Variants in CLIC6 observed in about 807,000 individuals in gnomAD.
CLIC6 encodes chloride intracellular channel protein 6.
CLIC6 carries 39 observed loss-of-function variants against 49.2 expected under a neutral mutation model. The ratio of observed to expected loss-of-function variants is 0.79; its 90% CI spans 0.61 to 1.04. CLIC6 has a LOEUF of 1.04. Ranked by LOEUF, CLIC6 falls within the 50% of genes least tolerant of loss-of-function variation. The pLI is 0.00. For missense variants in CLIC6, 988 were observed against 993.1 expected (o/e 0.99, Z 0.07); for synonymous variants, 446 against 433.4 (o/e 1.03, Z -0.36).
intron 1 of CLIC6, among the ~76,000 whole-genome samples, chr21:34,691,757 C>T (rs1989999314): frequency 6.6e-6 from 1 of 152,124 alleles, no homozygotes; most frequent in African/African-American, 2.4e-5. Flanking sequence ...TGCTGAGAGC[C>T]GTTCATTTGC....
Position 34,669,774 on chromosome 21 carries a change from C to T in CLIC6, c.386C>T (p.Pro129Leu). 1.4e-6 allele frequency: 2 copies of T among 1,422,002 alleles called. No individual in the cohort carries two copies. The highest frequency in any genetic ancestry group is 9.1e-7 in the Non-Finnish European group (1 of 1,099,144). 88.1% of individuals were successfully genotyped at this position (1,422,002 alleles called of 1,614,324 possible). A position where few individuals can be genotyped will look rare whatever the true frequency, so the allele number is the denominator to read the frequency against. ...CCCCGCGGGGAGGCTCAGAGGGAGC[C>T]CGAGGACTCTGCGGCCCCCGAGAGG... ...GEPRGEAQRE[P>L]EDSAAPERQE... The change falls in exon 1 of 6, where the codon CCC becomes CTC. Residue 129 changes from proline (P) to leucine (L), a missense_variant. Pro to Leu is a moderately conservative substitution (Grantham distance 98). This residue lies in a region of CLIC6 where 284 missense variants were observed against 278.6 expected (regional missense o/e 1.02). Transcript: ENST00000349499.
At chr21:34,698,395 A>G (rs1990127278) in intron 1 of CLIC6, among the ~76,000 whole-genome samples, 1 of 151,784 alleles carries the variant, frequency 6.6e-6, no homozygotes, top group Non-Finnish European at 1.5e-5. Flanking sequence ...AAGGAAAGAG[A>G]CAAAAGGAAT....
rs368505404 is a variant in CLIC6, at chr21:34,673,759, A to G, written c.1374+2997A>G. Reference sequence around the variant, plus strand: ...CAAAACTAAACAAACAAACAAAAAAACACCCTTTAGACTCATATTTTCTGA... The same window carrying G: ...CAAAACTAAACAAACAAACAAAAAAGCACCCTTTAGACTCATATTTTCTGA... On this transcript the variant is annotated intron_variant, in intron 1 of 5. Transcript: ENST00000349499. Among the ~76,000 whole-genome samples the G allele has an allele frequency of 2.4e-3, 364 of 152,366 alleles. 7 individuals carry two copies. Among genetic ancestry groups the G allele is most frequent in the Middle Eastern group, 0.014 (4 of 294 alleles).
At chr21:34,705,971 C>T (rs961216769) in intron 1 of CLIC6, 3 of 640,830 alleles carry the variant, frequency 4.7e-6, no homozygotes, top group African/African-American at 3.6e-5. Flanking sequence ...CCCACTGAAT[C>T]AAACTCTGTA....
intron 1 of CLIC6, among the ~76,000 whole-genome samples, chr21:34,688,275 G>A (rs765963332): frequency 6.6e-6 from 1 of 152,154 alleles, no homozygotes; most frequent in South Asian, 2.1e-4. Flanking sequence ...CCCCACCATT[G>A]GTTTGACTCT....
intron 1 of CLIC6, among the ~76,000 whole-genome samples, chr21:34,680,309 T>G (rs549285795): frequency 1.3e-5 from 2 of 152,332 alleles, no homozygotes; most frequent in African/African-American, 4.8e-5. Flanking sequence ...GCAGCTGGGA[T>G]GCAGGGCACT....
chr21:34,707,905 C>T (rs777140638), intron 2 of CLIC6, 39 bp from the exon 3 acceptor site: 23 of 1,610,638 alleles, frequency 1.4e-5, no homozygotes, highest in East Asian at 2.2e-5. Flanking sequence ...TCCAGATTCT[C>T]ACGGTGGCCC....
At chr21:34,702,547 G>C (rs957537293) in intron 1 of CLIC6, among the ~76,000 whole-genome samples, 1 of 152,202 alleles carries the variant, frequency 6.6e-6, no homozygotes, top group African/African-American at 2.4e-5. Flanking sequence ...CCTAGCGTCA[G>C]TTGTACATGC....
At chr21:34,676,729 A>G (rs1989678613) in intron 1 of CLIC6, among the ~76,000 whole-genome samples, 1 of 152,218 alleles carries the variant, frequency 6.6e-6, no homozygotes, top group Non-Finnish European at 1.5e-5. Flanking sequence ...GGGGAGACAC[A>G]ACCATTTTCC....
chr21:34,673,481 G>A (rs183744134), intron 1 of CLIC6, among the ~76,000 whole-genome samples: 7 of 152,138 alleles, frequency 4.6e-5, no homozygotes, highest in African/African-American at 1.7e-4. Context: ...TGGTAGAATG[G>A]GGTTTCGCCA....
At chr21:34,685,951 C>T (rs907110709) in intron 1 of CLIC6, among the ~76,000 whole-genome samples, 8 of 152,124 alleles carry the variant, frequency 5.3e-5, no homozygotes, top group East Asian at 1.9e-4. Flanking sequence ...ATTATTGGAC[C>T]GCTAAGCTTG....
intron 4 of CLIC6, 93 bp from the exon 5 acceptor site, chr21:34,709,264 C>A: frequency 8.8e-7 from 1 of 1,136,762 alleles, no homozygotes; most frequent in Non-Finnish European, 1.3e-6. Flanking sequence ...GGCCACATCT[C>A]AGCGAGGAAG....
At chr21:34,707,437 GCACACACACACACA>G (rs10657933) in intron 2 of CLIC6, 48 bp downstream of exon 2, 643 of 734,514 alleles carry the variant, frequency 8.8e-4, no homozygotes, top group Middle Eastern at 1.3e-3. Context: ...CTAGTTCTCT[GCACACACACACACA>G]CACACACACA....
chr21:34,708,693 T>A lies in CLIC6; in HGVS notation c.1611-7T>A. 1 of 1,608,596 alleles carries A rather than the reference T, an allele frequency of 6.2e-7. No homozygotes were observed. Among genetic ancestry groups the A allele is most frequent in the Non-Finnish European group, 8.5e-7 (1 of 1,175,052 alleles). On this transcript the variant is annotated splice_region_variant and splice_polypyrimidine_tract_variant and intron_variant, in intron 3 of 5. Transcript: ENST00000349499. Reference sequence around the variant, plus strand: ...GTCTGTGATCCTCCAATTTTGAACTTTTCAAGGTATCCCAAGCTGGGGACC... The same window carrying A: ...GTCTGTGATCCTCCAATTTTGAACTATTCAAGGTATCCCAAGCTGGGGACC...
Position 34,671,126 on chromosome 21 carries a change from A to G in CLIC6, c.1374+364A>G, listed in dbSNP as rs2145794319. On this transcript the variant is annotated intron_variant, in intron 1 of 5. Transcript: ENST00000349499. ...TAACGAATTAACTAAAAAGTTAAAA[A>G]AAAAAAAAAAAAAAAAGAAGAAGAA... Among the ~76,000 whole-genome samples the G allele has an allele frequency of 2.4e-5, 2 of 84,530 alleles. 1 individual carries two copies. Among genetic ancestry groups the G allele is most frequent in the South Asian group, 9.5e-4 (2 of 2,106 alleles). 55.5% of individuals were successfully genotyped at this position (84,530 alleles called of 152,430 possible). A position where few individuals can be genotyped will look rare whatever the true frequency, so the allele number is the denominator to read the frequency against.
intron 1 of CLIC6, among the ~76,000 whole-genome samples, chr21:34,705,652 G>T (rs545468504): frequency 2.8e-4 from 43 of 152,298 alleles, no homozygotes; most frequent in Middle Eastern, 3.4e-3. Flanking sequence ...TCTGAATTCA[G>T]TAATCTGGGT....
rs115848698 is a variant in CLIC6, at chr21:34,686,063, C to G, written c.1374+15301C>G. On this transcript the variant is annotated intron_variant, in intron 1 of 5. Transcript: ENST00000349499. ...GCATAAATGGGTTAAGCCAGTTCAACTTAGTAAATAACTAAAATGCTCAAA... is the reference window on the plus strand; with the variant it reads ...GCATAAATGGGTTAAGCCAGTTCAAGTTAGTAAATAACTAAAATGCTCAAA... Among the ~76,000 whole-genome samples, 817 of 152,328 alleles carry G rather than the reference C, an allele frequency of 5.4e-3. 8 individuals are homozygous for G. Among genetic ancestry groups the G allele is most frequent in the African/African-American group, 0.019 (772 of 41,578 alleles).
intron 5 of CLIC6, among the ~76,000 whole-genome samples, 157 bp downstream of exon 5, chr21:34,709,695 TCACACA>T (rs1222751493): frequency 1.3e-5 from 2 of 152,224 alleles, no homozygotes; most frequent in Non-Finnish European, 2.9e-5. Context: ...GCCCCAGCTT[TCACACA>T]CACAGAAGAT....
chr21:34,708,905 G>T (rs1468114607), intron 4 of CLIC6, 99 bp downstream of exon 4: 2 of 852,124 alleles, frequency 2.3e-6, no homozygotes, highest in African/African-American at 3.4e-5. Context: ...TTTCCCAGTG[G>T]GTAGAGAAGT....
Sources: allele counts gnomAD v4.1 joint callset (sites outside exome capture counted in the v4.1 genomes callset), GRCh38; gene constraint gnomAD v4.1.1; regional missense constraint gnomAD v4.1.1; transcripts MANE v1.5; gene names NCBI Gene and HGNC (gene_info 2026-07-23, HGNC 2026-07-21).